Variants in AMDHD2 observed in about 807,000 individuals in gnomAD.
AMDHD2 encodes the protein amidohydrolase domain containing 2, also known as N-acetylglucosamine-6-phosphate deacetylase.
Under a neutral mutation model 41.8 loss-of-function variants are expected in AMDHD2, and 24 were observed. That is an observed-to-expected ratio of 0.57 (90% CI 0.42 to 0.81). The LOEUF (loss-of-function observed/expected upper bound fraction) is 0.81. Among genes scored for constraint, AMDHD2 ranks in the 30% least tolerant of loss-of-function variants. AMDHD2 has a pLI of 0.00. For missense variants in AMDHD2, 540 were observed against 588.5 expected (o/e 0.92, Z 0.85); for synonymous variants, 332 against 255.5 (o/e 1.30, Z -2.85).
chr16:2,528,528 G>A lies in AMDHD2; in HGVS notation c.939G>A (p.Val313=), dbSNP rs765491551. ...GGCACACGCTGGGACAGCAGGAAGT[G>A]GAAGTGGACGGTCTGACGGCCTACG... The part of the protein sequence containing the change: ...NGRHTLGQQE[V]EVDGLTAYVA... Residue 313 remains valine, a synonymous_variant, in exon 8 of 11, where the codon GTG becomes GTA. Coordinates refer to ENST00000293971, the MANE Select transcript of AMDHD2 (RefSeq NM_001330449.2). 16 of 1,612,652 alleles carry A rather than the reference G, an allele frequency of 9.9e-6. No homozygotes were observed. In the South Asian group the frequency reaches 1.6e-4, roughly 17 times the overall value.
chr16:2,530,828 C>T lies in AMDHD2; in HGVS notation c.*1265C>T. On this transcript the variant is annotated 3_prime_UTR_variant, in exon 11 of 11. Transcript: ENST00000293971. ...AAGCCCCAGGGGCAGCCCAGGAAAGCAGGCGACGGATGTGGATCCTGACCT... is the reference window on the plus strand; with the variant it reads ...AAGCCCCAGGGGCAGCCCAGGAAAGTAGGCGACGGATGTGGATCCTGACCT... 1 of 1,613,794 alleles carries T rather than the reference C, an allele frequency of 6.2e-7. No individual in the cohort carries two copies. Among genetic ancestry groups the T allele is most frequent in the South Asian group, 1.1e-5 (1 of 91,086 alleles).
chr16:2,529,166 T>A, intron 10 of AMDHD2, 71 bp downstream of exon 10: 3 of 1,401,928 alleles, frequency 2.1e-6, no homozygotes, highest in Non-Finnish European at 2.8e-6. Context: ...TGGGGCGGCC[T>A]GGACAGGGCC....
intron 3 of AMDHD2, among the ~76,000 whole-genome samples, chr16:2,524,995 G>A (rs1327643964): frequency 6.6e-6 from 1 of 151,466 alleles, no homozygotes; most frequent in Non-Finnish European, 1.5e-5. Context: ...TCTTTGCTTT[G>A]TTTCTTGGCT....
In AMDHD2 at chr16:2,531,132, G is replaced by C; in HGVS notation, c.*1569G>C. On this transcript the variant is annotated 3_prime_UTR_variant, in exon 11 of 11. Coordinates refer to ENST00000293971, the MANE Select transcript of AMDHD2 (RefSeq NM_001330449.2). ...ATCCCCACCTCAGACGGGACGCCCA[G>C]TCCAGAGCTGGTGAGCCCTGGGCCA... is the stretch of plus-strand genomic sequence containing the variant. 1 of 1,522,198 alleles carries C rather than the reference G, an allele frequency of 6.6e-7. No individual in the cohort carries two copies. Among genetic ancestry groups the C allele is most frequent in the Non-Finnish European group, 8.9e-7 (1 of 1,124,788 alleles). 94.3% of individuals were successfully genotyped at this position (1,522,198 alleles called of 1,614,324 possible). A position where few individuals can be genotyped will look rare whatever the true frequency, so the allele number is the denominator to read the frequency against.
intron 3 of AMDHD2, among the ~76,000 whole-genome samples, chr16:2,521,808 G>C (rs2065942638): frequency 1.4e-5 from 2 of 141,702 alleles, no homozygotes; most frequent in African/African-American, 5.4e-5. Context: ...TTTTGAGACG[G>C]AGTCTCGCTC....
Position 2,520,436 on chromosome 16 carries a change from G to A in AMDHD2, c.-23G>A. ...TTGGCCGCCGCGGGGCTCCGGAGCC[G>A]CTCGCTCCCGACACGGCTCACGATG... On this transcript the variant is annotated 5_prime_UTR_variant, in exon 1 of 11. Coordinates refer to ENST00000293971, the MANE Select transcript of AMDHD2 (RefSeq NM_001330449.2). 1 of 1,227,104 alleles carries A rather than the reference G, an allele frequency of 8.1e-7. No homozygotes were observed. Among genetic ancestry groups the A allele is most frequent in the Non-Finnish European group, 1.0e-6 (1 of 979,692 alleles). 76.0% of individuals were successfully genotyped at this position (1,227,104 alleles called of 1,614,324 possible).
chr16:2,528,796 C>G (rs1596999538), intron 9 of AMDHD2, 78 bp downstream of exon 9: 16 of 1,586,584 alleles, frequency 1.0e-5, no homozygotes, highest in Non-Finnish European at 1.3e-5. Flanking sequence ...GGTGCCCGGA[C>G]TGTAGCCCAA....
At position 2,529,853 on chromosome 16, in the gene AMDHD2, G is replaced by C; in HGVS notation, c.*290G>C. 7.3e-7 allele frequency: 1 copy of C among 1,362,380 alleles called. No homozygotes were observed. Among genetic ancestry groups the C allele is most frequent in the Non-Finnish European group, 9.6e-7 (1 of 1,038,358 alleles). The allele number at this position is 1,362,380 out of a possible 1,614,324, so 84.4% of individuals were successfully genotyped here. A position where few individuals can be genotyped will look rare whatever the true frequency, so the allele number is the denominator to read the frequency against. On this transcript the variant is annotated 3_prime_UTR_variant, in exon 11 of 11. Transcript: ENST00000293971. Reference sequence around the variant, plus strand: ...GGCTGTAGTTTAGCCTGGGCCTTGGGCCCCAGTGGGGGACAGGGCCTGTCT... The same window carrying C: ...GGCTGTAGTTTAGCCTGGGCCTTGGCCCCCAGTGGGGGACAGGGCCTGTCT...
In AMDHD2 at chr16:2,527,306, C is replaced by T. The variant is rs1426949470; in HGVS notation, c.361-255C>T. Among the ~76,000 whole-genome samples, 1 of 151,746 alleles carries T rather than the reference C, an allele frequency of 6.6e-6. No individual in the cohort carries two copies. Among genetic ancestry groups the T allele is most frequent in the Non-Finnish European group, 1.5e-5 (1 of 68,016 alleles). ...CTGGGCTGCTGTGCCCAGGGCCACC[C>T]TCAGTGCCCACAAGCCTGCCCACAT... On this transcript the variant is annotated intron_variant, in intron 3 of 10. Coordinates refer to ENST00000293971, the MANE Select transcript of AMDHD2 (RefSeq NM_001330449.2). The surrounding 1 kb of genome is among the most constrained non-coding windows in gnomAD (Gnocchi z 6.1).
At chr16:2,521,781 GT>G (rs57701626) in intron 3 of AMDHD2, among the ~76,000 whole-genome samples, 4,225 of 111,500 alleles carry the variant, frequency 0.038, 74 homozygotes, top group African/African-American at 0.15. Context: ...TTTTTGTTTA[GT>G]TTTTTTTTTT....
intron 10 of AMDHD2, 185 bp from the exon 11 acceptor site, chr16:2,529,290 C>G: frequency 9.0e-7 from 1 of 1,107,994 alleles, no homozygotes; most frequent in Non-Finnish European, 1.3e-6. Flanking sequence ...CAGACAAGGC[C>G]AGGCAAGGGG....
intron 3 of AMDHD2, among the ~76,000 whole-genome samples, chr16:2,526,026 C>T (rs1266249392): frequency 1.3e-5 from 2 of 152,178 alleles, no homozygotes; most frequent in East Asian, 1.9e-4. Context: ...GGACAGAAGA[C>T]CTCTTATTGG....
chr16:2,528,851 A>G, intron 9 of AMDHD2, 133 bp downstream of exon 9: 2 of 1,525,810 alleles, frequency 1.3e-6, no homozygotes, highest in Non-Finnish European at 1.8e-6. Context: ...TTGGTGACTC[A>G]GGCCCAGGGT....
Position 2,529,462 on chromosome 16 carries a change from G to C in AMDHD2, c.1142-13G>C, listed in dbSNP as rs750419617. ...CACTCCTGCCCCCTACTCATTGCCC[G>C]GCTCTGTCCCAGACTTCGTGGTGCT... On this transcript the variant is annotated splice_polypyrimidine_tract_variant and intron_variant, in intron 10 of 10. Transcript: ENST00000293971. 1 of 1,608,734 alleles carries C rather than the reference G, an allele frequency of 6.2e-7. No individual in the cohort carries two copies. Among genetic ancestry groups the C allele is most frequent in the African/African-American group, 1.3e-5 (1 of 74,904 alleles).
chr16:2,521,389 C>A (rs2065935226), intron 3 of AMDHD2, among the ~76,000 whole-genome samples: 1 of 152,140 alleles, frequency 6.6e-6, no homozygotes, highest in South Asian at 2.1e-4. Flanking sequence ...GCCGTCCCCA[C>A]CCCCTGCACT....
rs550043924 is a variant in AMDHD2, at chr16:2,531,414, G to C, written c.*1851G>C. The C allele has an allele frequency of 1.4e-5, 7 of 498,950 alleles. No individual in the cohort carries two copies. In the South Asian group the frequency reaches 2.2e-4, roughly 16 times the overall value. The allele number at this position is 498,950 out of a possible 1,614,324, so 30.9% of individuals were successfully genotyped here. ...AAAATACATAACAAAAGTAACTATC[G>C]TAACCTGAGCAGTTCTGTGACATGA... is the stretch of plus-strand genomic sequence containing the variant. On this transcript the variant is annotated 3_prime_UTR_variant, in exon 11 of 11. Transcript: ENST00000293971.
In AMDHD2 at chr16:2,527,124, TCC is replaced by T. The variant is rs2066013679; in HGVS notation, c.361-432_361-431del. On this transcript the variant is annotated intron_variant, in intron 3 of 10. Coordinates refer to ENST00000293971, the MANE Select transcript of AMDHD2 (RefSeq NM_001330449.2). This position sits in a 1 kb window ranked among gnomAD's most constrained non-coding sequence, Gnocchi z 6.1. ...CTGAGATGTGTGGTGTGAGCCCGTGTCCCCCCGTTCCCTGACACACTCGGTCT... is the reference window on the plus strand; with the variant it reads ...CTGAGATGTGTGGTGTGAGCCCGTGTCCCCGTTCCCTGACACACTCGGTCT... 1 of 211,660 alleles carries T rather than the reference TCC, an allele frequency of 4.7e-6. No homozygotes were observed. The highest frequency in any genetic ancestry group is 2.4e-5 in the African/African-American group (1 of 42,186). The allele number at this position is 211,660 out of a possible 1,614,324, so 13.1% of individuals were successfully genotyped here. A position where few individuals can be genotyped will look rare whatever the true frequency, so the allele number is the denominator to read the frequency against.
rs778148949 is a variant in AMDHD2, at chr16:2,531,186, C to G, written c.*1623C>G. 3.7e-6 allele frequency: 5 copies of G among 1,353,650 alleles called. No individual in the cohort carries two copies. In the Admixed American group the frequency reaches 7.7e-5, roughly 21 times the overall value. The allele number at this position is 1,353,650 out of a possible 1,614,324, so 83.9% of individuals were successfully genotyped here. On this transcript the variant is annotated 3_prime_UTR_variant, in exon 11 of 11. Transcript: ENST00000293971. ...TTTGGGCCTGGCCTGCCCCATTCACCGGCCAGCGCCCCACCTCCCTGGCTG... is the reference window on the plus strand; with the variant it reads ...TTTGGGCCTGGCCTGCCCCATTCACGGGCCAGCGCCCCACCTCCCTGGCTG...
intron 3 of AMDHD2, among the ~76,000 whole-genome samples, chr16:2,521,889 A>G (rs967864115): frequency 7.0e-6 from 1 of 143,698 alleles, no homozygotes; most frequent in African/African-American, 2.6e-5. Context: ...GGTTCACGCC[A>G]TTCTCCTGCT....
Sources: allele counts gnomAD v4.1 joint callset (sites outside exome capture counted in the v4.1 genomes callset), GRCh38; gene constraint gnomAD v4.1.1; non-coding constraint Gnocchi (gnomAD v3.1); transcripts MANE v1.5; gene names NCBI Gene and HGNC (gene_info 2026-07-23, HGNC 2026-07-21).